AGMAT: variants seen among roughly 807,000 people sequenced by gnomAD.
AGMAT encodes the protein agmatinase (putative).
A neutral mutation model predicts 29.3 loss-of-function variants in AGMAT; 37 were observed. The ratio of observed to expected loss-of-function variants is 1.26; its 90% CI spans 0.97 to 1.66. AGMAT has a LOEUF of 1.66. Among genes scored for constraint, AGMAT ranks in the 40% most tolerant of loss-of-function variants. AGMAT has a pLI of 0.00. For synonymous variants in AGMAT, 199 were observed against 200.8 expected, an observed-to-expected ratio of 0.99 and a Z score of 0.08; for missense variants, 498 against 497.8, an observed-to-expected ratio of 1.00 and a Z score of 0.00.
At chr1:15,574,984 T>C in intron 5 of AGMAT, 143 bp from the exon 6 acceptor site, 2 of 617,134 alleles carry the variant, frequency 3.2e-6, no homozygotes, top group Non-Finnish European at 5.9e-6. Flanking sequence ...CCAGGCACAC[T>C]GGCAGGCCTC....
In AGMAT at chr1:15,574,822, C is replaced by T; in HGVS notation, c.920G>A (p.Gly307Asp). Residue 307 changes from glycine to aspartate, a missense_variant, in exon 6 of 7, where the codon GGT becomes GAT. By Grantham distance (94) the Gly-to-Asp change is moderately conservative. Coordinates refer to ENST00000375826, the MANE Select transcript of AGMAT (RefSeq NM_024758.5). ...GCCCATCACGTTCAGGCCTTGACAACCCCTGATGATCTCCAGAGCCTATTC... is the reference window on the plus strand; with the variant it reads ...GCCCATCACGTTCAGGCCTTGACAATCCCTGATGATCTCCAGAGCCTATTC... ...TPSQALEIIRGCQGLNVMGCD... is the reference protein window; with the variant it reads ...TPSQALEIIRDCQGLNVMGCD... The T allele has an allele frequency of 6.2e-7, 1 of 1,613,926 alleles. No individual in the cohort carries two copies. The highest frequency in any genetic ancestry group is 8.5e-7 in the Non-Finnish European group (1 of 1,179,818).
chr1:15,577,509 G>T (rs1639056304), intron 5 of AGMAT, among the ~76,000 whole-genome samples, 176 bp downstream of exon 5: 1 of 152,136 alleles, frequency 6.6e-6, no homozygotes, highest in Admixed American at 6.6e-5. Context: ...GGAGGCGGAG[G>T]TTGCAGTGAG....
rs184935814 is a variant in AGMAT at position 15,582,982 on chromosome 1, A to T, written c.475+211T>A. 4.2e-3 allele frequency among the ~76,000 whole-genome samples: 647 copies of T among 152,332 alleles called. 4 individuals carry two copies. The highest frequency in any genetic ancestry group is 0.012 in the African/African-American group (497 of 41,568). ...CACTGCACTCCAGTCTGGGTAACAGAGTGAGACTGTCTCACACACACACAT... is the reference window on the plus strand; with the variant it reads ...CACTGCACTCCAGTCTGGGTAACAGTGTGAGACTGTCTCACACACACACAT... On this transcript the variant is annotated intron_variant, in intron 2 of 6. Transcript: ENST00000375826.
rs1248343141 is a variant in AGMAT at position 15,584,914 on chromosome 1, G to A, written c.54C>T (p.Gly18=). The stretch of plus-strand genomic sequence containing the variant: ...GAAAGAGCCCTGCGGCAGGACGCGC[G>A]CCCACGCCGGGCCCCGGGCCCCGGG... ...GCARGPGPGV[G]ARPAAGLFHP... Residue 18 remains glycine (G), a synonymous_variant, in exon 1 of 7, where the codon GGC becomes GGT. Coordinates refer to ENST00000375826, the MANE Select transcript of AGMAT (RefSeq NM_024758.5). The A allele has an allele frequency of 2.9e-6, 4 of 1,382,720 alleles. No individual in the cohort carries two copies. The highest frequency in any genetic ancestry group is 7.2e-5 in the Admixed American group (2 of 27,810). 85.7% of individuals were successfully genotyped at this position (1,382,720 alleles called of 1,614,324 possible).
At chr1:15,583,428 A>T (rs762067566) in intron 1 of AGMAT, 33 bp from the exon 2 acceptor site, 1 of 1,586,012 alleles carries the variant, frequency 6.3e-7, no homozygotes, top group Non-Finnish European at 8.6e-7. Context: ...GTCAGCCATC[A>T]TCTGCAGAGA....
intron 6 of AGMAT, 70 bp downstream of exon 6, chr1:15,574,687 A>C: frequency 7.1e-7 from 1 of 1,400,618 alleles, no homozygotes; most frequent in Non-Finnish European, 1.0e-6. Flanking sequence ...CCCATTTTCT[A>C]CTTATTAACT....
intron 4 of AGMAT, among the ~76,000 whole-genome samples, chr1:15,578,420 G>C (rs1570941499): frequency 6.6e-6 from 1 of 151,922 alleles, no homozygotes; most frequent in Admixed American, 6.6e-5. Context: ...TCAGTCTCCC[G>C]AGTAGCTGGG....
intron 2 of AGMAT, among the ~76,000 whole-genome samples, chr1:15,581,468 A>G (rs915636862): frequency 6.6e-6 from 1 of 152,222 alleles, no homozygotes; most frequent in African/African-American, 2.4e-5. Context: ...TTCTATGATG[A>G]TGACAATGTT....
intron 6 of AGMAT, among the ~76,000 whole-genome samples, chr1:15,574,363 A>T (rs1639001452): frequency 1.3e-5 from 2 of 149,678 alleles, no homozygotes; most frequent in South Asian, 4.2e-4. Flanking sequence ...TCCCCAAGTC[A>T]TATAAGGGAC....
chr1:15,576,429 G>C (rs2103436646), intron 5 of AGMAT, among the ~76,000 whole-genome samples: 1 of 148,828 alleles, frequency 6.7e-6, no homozygotes, highest in South Asian at 2.1e-4. Context: ...TGTTTGGTTG[G>C]TTGGTTGGTT....
rs1639169244 is a variant in AGMAT at position 15,585,031 on chromosome 1, C to A, written c.-64G>T. The A allele has an allele frequency of 7.9e-7, 1 of 1,270,446 alleles. No homozygotes were observed. Among genetic ancestry groups the A allele is most frequent in the South Asian group, 2.8e-5 (1 of 36,216 alleles). 78.7% of individuals were successfully genotyped at this position (1,270,446 alleles called of 1,614,324 possible). ...GCGAGGCCGCCGCGATCTGGCTGGT[C>A]CCGAACGGCGAGGCGAGTGTGCACG... On this transcript the variant is annotated 5_prime_UTR_variant, in exon 1 of 7. Coordinates refer to ENST00000375826, the MANE Select transcript of AGMAT (RefSeq NM_024758.5).
At position 15,573,159 on chromosome 1, in the gene AGMAT, T is replaced by A. The variant is rs111820574; in HGVS notation, c.*492A>T. 1 of 153,650 alleles carries A rather than the reference T, an allele frequency of 6.5e-6. No individual in the cohort carries two copies. Among genetic ancestry groups the A allele is most frequent in the Non-Finnish European group, 1.4e-5 (1 of 69,330 alleles). 9.5% of individuals were successfully genotyped at this position (153,650 alleles called of 1,614,324 possible). Reference sequence around the variant, plus strand: ...CTGTAATCCCAGGTACTCAGGAGGCTGAGGCAGGAGAATCGATTGAACTCG... The same window carrying A: ...CTGTAATCCCAGGTACTCAGGAGGCAGAGGCAGGAGAATCGATTGAACTCG... On this transcript the variant is annotated 3_prime_UTR_variant, in exon 7 of 7. Coordinates refer to ENST00000375826, the MANE Select transcript of AGMAT (RefSeq NM_024758.5).
Position 15,584,978 on chromosome 1 carries a change from G to C in AGMAT, c.-11C>G, listed in dbSNP as rs1332431088. 1.8e-5 allele frequency: 23 copies of C among 1,311,596 alleles called. No homozygotes were observed. In the South Asian group the frequency reaches 4.7e-4, roughly 27 times the overall value. The allele number at this position is 1,311,596 out of a possible 1,614,324, so 81.2% of individuals were successfully genotyped here. A position where few individuals can be genotyped will look rare whatever the true frequency, so the allele number is the denominator to read the frequency against. ...CAGCAGCCTCAGCATTGCCGCGCGCGGCCAAGACCTCACCGACCAAACCGC... is the reference window on the plus strand; with the variant it reads ...CAGCAGCCTCAGCATTGCCGCGCGCCGCCAAGACCTCACCGACCAAACCGC... On this transcript the variant is annotated 5_prime_UTR_variant, in exon 1 of 7. Coordinates refer to ENST00000375826, the MANE Select transcript of AGMAT (RefSeq NM_024758.5).
chr1:15,577,868 C>G lies in AGMAT; in HGVS notation c.721-4G>C, dbSNP rs1457159798. ...CAGCCAGGACTACCCGGAAGCCCTGCAGAGACAGGGACTGAGGTTTCTGTC... is the reference window on the plus strand; with the variant it reads ...CAGCCAGGACTACCCGGAAGCCCTGGAGAGACAGGGACTGAGGTTTCTGTC... On this transcript the variant is annotated splice_region_variant and splice_polypyrimidine_tract_variant and intron_variant, in intron 4 of 6. Coordinates refer to ENST00000375826, the MANE Select transcript of AGMAT (RefSeq NM_024758.5). The G allele has an allele frequency of 6.2e-7, 1 of 1,613,328 alleles. No homozygotes were observed. Among genetic ancestry groups the G allele is most frequent in the Admixed American group, 1.7e-5 (1 of 59,956 alleles).
chr1:15,578,867 G>A lies in AGMAT; in HGVS notation c.712C>T (p.Arg238Trp), dbSNP rs781448925. The A allele has an allele frequency of 1.4e-5, 22 of 1,613,724 alleles. No individual in the cohort carries two copies. Among genetic ancestry groups the A allele is most frequent in the Non-Finnish European group, 1.8e-5 (21 of 1,179,828 alleles). Residue 238 changes from arginine (R) to tryptophan (W), a missense_variant, in exon 4 of 7, where the codon CGG (arginine) becomes TGG (tryptophan). By Grantham distance (101) the Arg-to-Trp change is moderately radical. Transcript: ENST00000375826. ...GGCATTCGGTCTGTCACCTGGCTCC[G>A]GTTGTATCTGTAGGGATCCAAGGTC... Reference protein sequence around the residue: ...STTLDPYRYNRSQGFRVVLAE... With the variant: ...STTLDPYRYNWSQGFRVVLAE...
intron 5 of AGMAT, among the ~76,000 whole-genome samples, chr1:15,576,740 C>CCTTTTTTTTTTT (rs1639043888): frequency 2.8e-5 from 1 of 35,796 alleles, no homozygotes; most frequent in Non-Finnish European, 5.0e-5. Context: ...GTTTAGTGTT[C>CCTTTTTTTTTTT]TTTTTTTTTT....
At chr1:15,574,574 C>T (rs1242621794) in intron 6 of AGMAT, among the ~76,000 whole-genome samples, 183 bp downstream of exon 6, 2 of 152,034 alleles carry the variant, frequency 1.3e-5, no homozygotes, top group African/African-American at 2.4e-5. Flanking sequence ...GATGGGGTTT[C>T]GCCATGTTGG....
Position 15,573,699 on chromosome 1 carries a change from G to T in AGMAT, c.1011C>A (p.Asn337Lys). ...LSGNTALLAANLLFEMLCALP... is the reference protein window; with the variant it reads ...LSGNTALLAAKLLFEMLCALP... Reference sequence around the variant, plus strand: ...GAGCACATAGCATCTCAAACAGCAGGTTAGCCGCCAGCAGGGCTGTGTTCC... The same window carrying T: ...GAGCACATAGCATCTCAAACAGCAGTTTAGCCGCCAGCAGGGCTGTGTTCC... The change falls in exon 7 of 7, where the codon AAC becomes AAA. Residue 337 changes from asparagine to lysine, a missense_variant. Transcript: ENST00000375826. The T allele has an allele frequency of 1.2e-6, 2 of 1,614,184 alleles. No individual in the cohort carries two copies. Among genetic ancestry groups the T allele is most frequent in the South Asian group, 1.1e-5 (1 of 91,086 alleles).
At chr1:15,579,883 G>A (rs1167096331) in intron 3 of AGMAT, among the ~76,000 whole-genome samples, 1 of 152,146 alleles carries the variant, frequency 6.6e-6, no homozygotes, top group Non-Finnish European at 1.5e-5. Flanking sequence ...CTAGGGCAAG[G>A]GAGGGTGGCC....
Sources: allele counts gnomAD v4.1 joint callset (sites outside exome capture counted in the v4.1 genomes callset), GRCh38; gene constraint gnomAD v4.1.1; transcripts MANE v1.5; gene names NCBI Gene and HGNC (gene_info 2026-07-23, HGNC 2026-07-21).